Variants in DIAPH2 observed in about 807,000 individuals in gnomAD.
DIAPH2 encodes the protein protein diaphanous homolog 2.
A neutral mutation model predicts 92.7 loss-of-function variants in DIAPH2; 35 were observed. The ratio of observed to expected loss-of-function variants is 0.38; its 90% CI spans 0.29 to 0.50. The LOEUF (loss-of-function observed/expected upper bound fraction) is 0.50. DIAPH2 is among the 20% of genes least tolerant of loss of function. The pLI is 0.94. For missense variants in DIAPH2, 701 were observed against 819.5 expected (o/e 0.86, Z 1.77); for synonymous variants, 301 against 280.4 (o/e 1.07, Z -0.73).
intron 22 of DIAPH2, among the ~76,000 whole-genome samples, chrX:97,179,673 G>A (rs2067523540): frequency 8.9e-6 from 1 of 111,927 alleles, no homozygotes. Flanking sequence ...GTAAACATAT[G>A]TGTGCATGTG....
chrX:97,351,615 A>C (rs1210444043), intron 24 of DIAPH2, among the ~76,000 whole-genome samples: 6 of 110,882 alleles, frequency 5.4e-5, no homozygotes, highest in Non-Finnish European at 1.1e-4. Context: ...AGAGATCGAG[A>C]CCACGGTGAA....
At chrX:97,019,559 C>G (rs1404364261) in intron 17 of DIAPH2, among the ~76,000 whole-genome samples, 1 of 110,593 alleles carries the variant, frequency 9.0e-6, no homozygotes, top group Non-Finnish European at 1.9e-5. Flanking sequence ...GAGGCCAGTG[C>G]TATTTTAGTT....
At chrX:97,496,518 A>G (rs2070759544) in intron 26 of DIAPH2, among the ~76,000 whole-genome samples, 1 of 110,956 alleles carries the variant, frequency 9.0e-6, no homozygotes, top group African/African-American at 3.3e-5. Flanking sequence ...TTAAAAAAAA[A>G]GAAAACATAA....
intron 17 of DIAPH2, among the ~76,000 whole-genome samples, chrX:97,071,912 G>A (rs1442484892): frequency 8.9e-6 from 1 of 111,793 alleles, no homozygotes; most frequent in Non-Finnish European, 1.9e-5. Context: ...CATGATTATG[G>A]TCATATATGA....
chrX:97,145,837 C>T lies in DIAPH2; in HGVS notation c.2719+4043C>T, dbSNP rs368557226. On this transcript the variant is annotated intron_variant, in intron 22 of 26. Transcript: ENST00000324765. The stretch of plus-strand genomic sequence containing the variant: ...TCCTCCTAGTTCTCATTTCAGTATA[C>T]CCAGACATATAGTCTCCTGAGCCAT... Among the ~76,000 whole-genome samples, 9 of 109,798 alleles carry T rather than the reference C, an allele frequency of 8.2e-5. No individual in the cohort carries two copies. In the East Asian group the frequency reaches 2.6e-3, roughly 31 times the overall value.
chrX:96,792,366 C>A (rs376822584), intron 4 of DIAPH2, among the ~76,000 whole-genome samples: 2 of 111,380 alleles, frequency 1.8e-5, no homozygotes, highest in South Asian at 3.8e-4. Flanking sequence ...TTTTTAGTGT[C>A]CTAGTGCTAC....
At chrX:97,153,831 A>G (rs780379898) in intron 22 of DIAPH2, among the ~76,000 whole-genome samples, 1 of 111,245 alleles carries the variant, frequency 9.0e-6, no homozygotes, top group African/African-American at 3.3e-5. Context: ...TTGATCATAA[A>G]ATTTCCAATA....
intron 19 of DIAPH2, among the ~76,000 whole-genome samples, chrX:97,093,272 G>T (rs970711983): frequency 9.0e-6 from 1 of 111,042 alleles, no homozygotes; most frequent in East Asian, 2.8e-4. Context: ...TTAGGAAAGG[G>T]TAGGTATATG....
intron 4 of DIAPH2, among the ~76,000 whole-genome samples, chrX:96,880,066 C>T (rs906685019): frequency 1.2e-4 from 13 of 111,684 alleles, no homozygotes; most frequent in Admixed American, 1.2e-3. Flanking sequence ...TGTCTCATAA[C>T]GAAGCAAGAA....
intron 23 of DIAPH2, among the ~76,000 whole-genome samples, chrX:97,334,298 T>C (rs1364808816): frequency 1.1e-4 from 12 of 108,856 alleles, no homozygotes; most frequent in African/African-American, 4.0e-4. Context: ...TCGTCTCTAC[T>C]AAAAATACAA....
chrX:97,248,236 C>T (rs915570991), intron 23 of DIAPH2, among the ~76,000 whole-genome samples: 1 of 110,841 alleles, frequency 9.0e-6, no homozygotes, highest in Non-Finnish European at 1.9e-5. Flanking sequence ...TTTCTGAGGG[C>T]ATGTGTGCAT....
chrX:96,790,226 C>A (rs1280102668), intron 4 of DIAPH2, among the ~76,000 whole-genome samples: 1 of 109,731 alleles, frequency 9.1e-6, no homozygotes, highest in African/African-American at 3.3e-5. Flanking sequence ...TGTGCCACCA[C>A]GCCCAGCTAA....
At chrX:97,271,090 T>C (rs753636937) in intron 23 of DIAPH2, among the ~76,000 whole-genome samples, 1 of 111,125 alleles carries the variant, frequency 9.0e-6, no homozygotes, top group South Asian at 3.8e-4. Flanking sequence ...TGCCTGCACT[T>C]ATTTAAATCA....
At chrX:97,293,699 G>A (rs2068619130) in intron 23 of DIAPH2, among the ~76,000 whole-genome samples, 1 of 111,654 alleles carries the variant, frequency 9.0e-6, no homozygotes, top group African/African-American at 3.3e-5. Context: ...GACTCACTAT[G>A]TTTAGATTGT....
chrX:97,540,748 G>C (rs1473630834), intron 26 of DIAPH2, among the ~76,000 whole-genome samples: 1 of 111,956 alleles, frequency 8.9e-6, no homozygotes, highest in Non-Finnish European at 1.9e-5. Flanking sequence ...ACACTGTACA[G>C]GCAAGTGCTT....
At chrX:97,556,435 A>C (rs2071257909) in intron 26 of DIAPH2, among the ~76,000 whole-genome samples, 1 of 112,188 alleles carries the variant, frequency 8.9e-6, no homozygotes, top group African/African-American at 3.2e-5. Flanking sequence ...ATTCTCTCAC[A>C]TTTCTGGAGG....
chrX:97,494,885 C>G (rs2070748177), intron 26 of DIAPH2, among the ~76,000 whole-genome samples: 1 of 112,603 alleles, frequency 8.9e-6, no homozygotes, highest in East Asian at 2.8e-4. Context: ...GCATCAGGCT[C>G]TGTGCCTTCT....
At chrX:96,974,463 G>A (rs745862521) in intron 17 of DIAPH2, among the ~76,000 whole-genome samples, 1 of 111,414 alleles carries the variant, frequency 9.0e-6, no homozygotes, top group South Asian at 3.8e-4. Context: ...TGACTAGTAT[G>A]AATTCTTAAT....
chrX:97,198,785 G>T (rs1008172274), intron 22 of DIAPH2, among the ~76,000 whole-genome samples: 2 of 111,065 alleles, frequency 1.8e-5, no homozygotes, highest in African/African-American at 6.5e-5. Flanking sequence ...AAGTAGTGTG[G>T]TCTTCTGTTA....
Sources: gnomAD v4.1 joint callset for allele counts (sites outside exome capture counted in the v4.1 genomes callset) on GRCh38, gnomAD v4.1.1 for gene constraint, MANE v1.5 for transcripts, NCBI Gene and HGNC (gene_info 2026-07-23, HGNC 2026-07-21) for gene names.